UBP1: variants seen among roughly 807,000 people sequenced by gnomAD.
UBP1 encodes upstream-binding protein 1.
In UBP1, 22 loss-of-function variants were observed where a neutral mutation model predicts 76.1. The observed-to-expected ratio is 0.29, with a 90% confidence interval of 0.21 to 0.41. The LOEUF is 0.41. Among genes scored for constraint, UBP1 ranks in the 10% least tolerant of loss-of-function variants. UBP1 has a pLI of 1.00. For missense variants in UBP1, 436 were observed against 668.1 expected, an observed-to-expected ratio of 0.65 and a Z score of 3.83; for synonymous variants, 224 against 237.1, an observed-to-expected ratio of 0.94 and a Z score of 0.51.
At chr3:33,432,327 T>G (rs898363195) in intron 1 of UBP1, among the ~76,000 whole-genome samples, 1 of 152,186 alleles carries the variant, frequency 6.6e-6, no homozygotes, top group Non-Finnish European at 1.5e-5. Flanking sequence ...CTCTTCTGGC[T>G]AAGTTCTCTG....
chr3:33,390,554 T>G (rs2043719046), intron 15 of UBP1, 186 bp from the exon 16 acceptor site: 2 of 638,052 alleles, frequency 3.1e-6, no homozygotes, highest in South Asian at 3.9e-5. Flanking sequence ...ATGTACACAT[T>G]CCCTTTTTAG....
chr3:33,407,790 A>G (rs2044467169), intron 8 of UBP1, among the ~76,000 whole-genome samples: 1 of 152,236 alleles, frequency 6.6e-6, no homozygotes, highest in South Asian at 2.1e-4. Context: ...TAGTGCAAAG[A>G]CTGCAACAGT....
At chr3:33,423,637 T>C (rs191955551) in intron 2 of UBP1, among the ~76,000 whole-genome samples, 12 of 152,312 alleles carry the variant, frequency 7.9e-5, no homozygotes, top group Admixed American at 5.9e-4. Context: ...AATATATATG[T>C]AAAAATTCAT....
At chr3:33,422,112 T>TG (rs2044911149) in intron 2 of UBP1, among the ~76,000 whole-genome samples, 3 of 152,196 alleles carry the variant, frequency 2.0e-5, no homozygotes, top group Admixed American at 1.3e-4. Flanking sequence ...GATACTTTGC[T>TG]AGTCTGGATC....
chr3:33,416,764 T>C lies in UBP1; in HGVS notation c.336A>G (p.Leu112=). 6.2e-7 allele frequency: 1 copy of C among 1,612,650 alleles called. No individual in the cohort carries two copies. Among genetic ancestry groups the C allele is most frequent in the African/African-American group, 1.3e-5 (1 of 74,994 alleles). ...MGDMPEINGK[L]VKSIIRVVFH... ...TAAAATGGACTGTCCTTACCTTTAC[T>C]AATTTTCCATTGATCTCAGGCATAT... The change falls in exon 3 of 16, where the codon TTA becomes TTG. Residue 112 remains leucine, a synonymous_variant. Transcript: ENST00000283629.
intron 1 of UBP1, among the ~76,000 whole-genome samples, chr3:33,432,354 T>G (rs1025421130): frequency 1.3e-5 from 2 of 152,192 alleles, no homozygotes; most frequent in African/African-American, 4.8e-5. Flanking sequence ...CAAAGTTTTT[T>G]AATTTAAAAA....
intron 2 of UBP1, among the ~76,000 whole-genome samples, chr3:33,421,369 T>C (rs930527797): frequency 1.3e-5 from 2 of 152,052 alleles, no homozygotes; most frequent in Non-Finnish European, 1.5e-5. Context: ...ACCTCCCAGG[T>C]TCAAGTGATT....
At chr3:33,437,912 T>C (rs2045228090) in intron 1 of UBP1, among the ~76,000 whole-genome samples, 1 of 152,204 alleles carries the variant, frequency 6.6e-6, no homozygotes, top group Admixed American at 6.5e-5. Flanking sequence ...CTCTCATCTC[T>C]TAGTTTTTGA....
intron 3 of UBP1, among the ~76,000 whole-genome samples, chr3:33,414,478 T>C (rs943590990): frequency 6.6e-6 from 1 of 152,098 alleles, no homozygotes; most frequent in Non-Finnish European, 1.5e-5. Context: ...AGAAAGCACA[T>C]TGCTAAATAT....
At chr3:33,394,438 T>A (rs1559665226) in intron 13 of UBP1, among the ~76,000 whole-genome samples, 1 of 152,212 alleles carries the variant, frequency 6.6e-6, no homozygotes, top group East Asian at 1.9e-4. Flanking sequence ...CCACAAAAAA[T>A]TTTAAATAAA....
intron 1 of UBP1, among the ~76,000 whole-genome samples, chr3:33,436,093 C>A (rs901479061): frequency 6.6e-6 from 1 of 152,192 alleles, no homozygotes; most frequent in African/African-American, 2.4e-5. Context: ...AGTTGAAATT[C>A]TGTTACCTTA....
chr3:33,392,563 CT>C lies in UBP1; in HGVS notation c.1584del (p.Ala529LeufsTer9). 6.2e-7 allele frequency: 1 copy of C among 1,610,536 alleles called. No individual in the cohort carries two copies. On this transcript the variant is annotated frameshift_variant and splice_region_variant, in exon 15 of 16. Coordinates refer to ENST00000283629, the MANE Select transcript of UBP1 (RefSeq NM_014517.5). LOFTEE classifies it high-confidence loss of function. ...DESCFLFSTVKAESSDGIHII... is the reference protein window; with the variant it reads ...DESCFLFSTVXAESSDGIHII... ...TAAGACACACACACATGCAAAGTACCTTTTACTGTGGAGAATAAAAAACAAC... is the reference window on the plus strand; with the variant it reads ...TAAGACACACACACATGCAAAGTACCTTTACTGTGGAGAATAAAAAACAAC...
intron 4 of UBP1, 127 bp downstream of exon 4, chr3:33,412,595 A>G (rs1251674832): frequency 7.5e-6 from 5 of 664,318 alleles, no homozygotes; most frequent in South Asian, 1.9e-5. Context: ...AAAAAAAAAA[A>G]AAGACACAAA....
chr3:33,425,842 A>T, intron 1 of UBP1, 101 bp from the exon 2 acceptor site: 1 of 1,115,726 alleles, frequency 9.0e-7, no homozygotes. Flanking sequence ...AAATATTTAA[A>T]AGCATATAAA....
At chr3:33,413,762 C>T (rs970963100) in intron 3 of UBP1, among the ~76,000 whole-genome samples, 3 of 151,956 alleles carry the variant, frequency 2.0e-5, no homozygotes, top group Admixed American at 6.6e-5. Flanking sequence ...CTGCTTTATT[C>T]CCATCTTCCT....
upstream of UBP1, among the ~76,000 whole-genome samples, chr3:33,441,109 C>G (rs1378885674): frequency 1.3e-5 from 2 of 152,246 alleles, no homozygotes; most frequent in Non-Finnish European, 2.9e-5. Flanking sequence ...GAAGTTGGAC[C>G]GAACCATTAG....
chr3:33,435,607 C>G (rs565676168), intron 1 of UBP1, among the ~76,000 whole-genome samples: 1 of 152,302 alleles, frequency 6.6e-6, no homozygotes, highest in Admixed American at 6.5e-5. Context: ...CCACTGTACT[C>G]CAGTGTAGGT....
At chr3:33,404,999 T>G (rs4678957) in intron 8 of UBP1, among the ~76,000 whole-genome samples, 1 of 152,030 alleles carries the variant, frequency 6.6e-6, no homozygotes, top group African/African-American at 2.4e-5. Flanking sequence ...GGATTTGTTG[T>G]TTTGATAAAT....
intron 5 of UBP1, 73 bp downstream of exon 5, chr3:33,411,508 G>GT: frequency 8.0e-7 from 1 of 1,242,450 alleles, no homozygotes; most frequent in Non-Finnish European, 1.2e-6. Context: ...AAATGATACT[G>GT]TATCAAAAAT....
Sources: allele counts gnomAD v4.1 joint callset (sites outside exome capture counted in the v4.1 genomes callset), GRCh38; gene constraint gnomAD v4.1.1; transcripts MANE v1.5; gene names NCBI Gene and HGNC (gene_info 2026-07-23, HGNC 2026-07-21).